Variants in PARP8 observed in about 807,000 individuals in gnomAD.
The protein encoded by PARP8 is protein mono-ADP-ribosyltransferase PARP8.
A neutral mutation model predicts 124.1 loss-of-function variants in PARP8; 51 were observed. The observed-to-expected ratio is 0.41, with a 90% CI of 0.33 to 0.52. The LOEUF (loss-of-function observed/expected upper bound fraction) is 0.52. PARP8 is among the 20% of genes least tolerant of loss of function. The pLI, the probability that PARP8 is intolerant of heterozygous loss-of-function variation, is 0.21. For synonymous variants in PARP8, 391 were observed against 361.5 expected, an observed-to-expected ratio of 1.08 and a Z score of -0.93; for missense variants, 860 against 1,018.9, an observed-to-expected ratio of 0.84 and a Z score of 2.12.
intron 2 of PARP8, among the ~76,000 whole-genome samples, chr5:50,737,091 G>A (rs1757544745): frequency 1.3e-5 from 2 of 152,018 alleles, no homozygotes; most frequent in South Asian, 4.1e-4. Flanking sequence ...TTTCTTTCTG[G>A]TTGAGGCTCC....
intron 2 of PARP8, among the ~76,000 whole-genome samples, chr5:50,718,929 A>G (rs1274629963): frequency 6.6e-6 from 1 of 151,990 alleles, no homozygotes; most frequent in Non-Finnish European, 1.5e-5. Context: ...ATTCCCACCA[A>G]CAATGTACCA....
chr5:50,718,504 A>T (rs936127897), intron 2 of PARP8, among the ~76,000 whole-genome samples: 3 of 151,852 alleles, frequency 2.0e-5, no homozygotes, highest in Admixed American at 1.3e-4. Flanking sequence ...TTCTCCCTGA[A>T]GATGTGCCAA....
rs1157378661 is a variant in PARP8, at chr5:50,718,263, A to ATAAAACAATTTTAGTG, written c.147-31882_147-31867dup. ...AGTTTGACATTAGGTAAGAGCTTTG[A>ATAAAACAATTTTAGTG]TAAAACAATTTTAGTGTAAAATTAT... is the stretch of plus-strand genomic sequence containing the variant. On this transcript the variant is annotated intron_variant, in intron 2 of 25. Transcript: ENST00000281631. Among the ~76,000 whole-genome samples, 3 of 152,058 alleles carry ATAAAACAATTTTAGTG rather than the reference A, an allele frequency of 2.0e-5. No homozygotes were observed. The East Asian group carries it at 5.8e-4, about 29-fold the overall frequency.
rs188420203 is a variant in PARP8 at position 50,687,661 on chromosome 5, G to A, written c.146+19536G>A. 4.8e-3 allele frequency among the ~76,000 whole-genome samples: 732 copies of A among 152,310 alleles called. 8 individuals are homozygous for A. The Middle Eastern group carries it at 0.061, about 13-fold the overall frequency. ...TTCACGTGGCTAGGGAAGCCTCACA[G>A]TCATGGCAGAAGGCAAGGAGGAGTA... On this transcript the variant is annotated intron_variant, in intron 2 of 25. Coordinates refer to ENST00000281631, the MANE Select transcript of PARP8 (RefSeq NM_024615.4).
chr5:50,824,908 G>A lies in PARP8; in HGVS notation c.1861G>A (p.Ala621Thr), dbSNP rs772666213. ...SITSIREMTQAPYLEIKKQMD... is the reference protein window; with the variant it reads ...SITSIREMTQTPYLEIKKQMD... ...AAGAAGTATAATGACTTTTTTTCAG[G>A]CACCATATCTGGAAATCAAGAAGCA... Residue 621 changes from alanine (A) to threonine (T), a missense_variant and splice_region_variant, in exon 18 of 26, where the codon GCA (alanine) becomes ACA (threonine). Physicochemically the swap from Ala to Thr is moderately conservative, Grantham distance 58. This residue lies in a region of PARP8 where 343 missense variants were observed against 474.7 expected (regional missense o/e 0.72). Transcript: ENST00000281631. 3 of 1,611,226 alleles carry A rather than the reference G, an allele frequency of 1.9e-6. No individual in the cohort carries two copies. The highest frequency in any genetic ancestry group is 4.5e-5 in the East Asian group (2 of 44,802).
rs189300312 is a variant in PARP8, at chr5:50,776,360, G to T, written c.519-1709G>T. On this transcript the variant is annotated intron_variant, in intron 7 of 25. Transcript: ENST00000281631. The stretch of plus-strand genomic sequence containing the variant: ...GGCTTGTAGTTTTCTTTTTGTTGTT[G>T]TTTCCTTGTCTGGTTTTGGTATCAG... Among the ~76,000 whole-genome samples the T allele has an allele frequency of 1.8e-4, 27 of 152,160 alleles. No homozygotes were observed. The East Asian group carries it at 5.0e-3, about 28-fold the overall frequency.
intron 15 of PARP8, among the ~76,000 whole-genome samples, chr5:50,820,212 C>T (rs771751453): frequency 2.6e-5 from 4 of 152,186 alleles, no homozygotes; most frequent in Admixed American, 6.5e-5. Flanking sequence ...GGTCACAATA[C>T]TCCTCTCTTA....
chr5:50,832,313 C>T (rs1485488377), intron 22 of PARP8, among the ~76,000 whole-genome samples: 1 of 152,014 alleles, frequency 6.6e-6, no homozygotes, highest in East Asian at 1.9e-4. Flanking sequence ...GTGAATATTA[C>T]AGACAAAAAA....
chr5:50,772,934 T>G (rs1761778008), intron 7 of PARP8, among the ~76,000 whole-genome samples: 1 of 152,044 alleles, frequency 6.6e-6, no homozygotes, highest in Non-Finnish European at 1.5e-5. Flanking sequence ...CCTGACCCAG[T>G]AGATCTGCCC....
chr5:50,761,183 C>T (rs1484898110), intron 5 of PARP8, among the ~76,000 whole-genome samples: 1 of 151,990 alleles, frequency 6.6e-6, no homozygotes, highest in East Asian at 1.9e-4. Context: ...TTAATAGGGC[C>T]AGTGATAGGA....
rs552148281 is a variant in PARP8, at chr5:50,808,051, G to T, written c.1576-7381G>T. 4.3e-4 allele frequency among the ~76,000 whole-genome samples: 66 copies of T among 151,844 alleles called. 1 individual carries two copies. The South Asian group carries it at 8.8e-3, about 20-fold the overall frequency. Reference sequence around the variant, plus strand: ...CATTAAGCAGATGTTTGTAACTAAGGTTCTTATTTTCCAAGTGAAATTAAG... The same window carrying T: ...CATTAAGCAGATGTTTGTAACTAAGTTTCTTATTTTCCAAGTGAAATTAAG... On this transcript the variant is annotated intron_variant, in intron 14 of 25. Coordinates refer to ENST00000281631, the MANE Select transcript of PARP8 (RefSeq NM_024615.4).
chr5:50,814,500 A>T (rs1744863254), intron 14 of PARP8, among the ~76,000 whole-genome samples: 1 of 152,088 alleles, frequency 6.6e-6, no homozygotes, highest in Admixed American at 6.6e-5. Flanking sequence ...AAATATATAG[A>T]TTCATTTTTT....
chr5:50,695,906 A>G (rs182749944), intron 2 of PARP8, among the ~76,000 whole-genome samples: 1 of 152,290 alleles, frequency 6.6e-6, no homozygotes, highest in Admixed American at 6.5e-5. Flanking sequence ...TTATCTTGAT[A>G]TATTTGAGTT....
intron 25 of PARP8, among the ~76,000 whole-genome samples, chr5:50,839,042 G>A (rs953939795): frequency 2.0e-5 from 3 of 151,860 alleles, no homozygotes; most frequent in Admixed American, 6.6e-5. Flanking sequence ...ACTCAGGTGG[G>A]TCTCAAACTC....
Position 50,787,415 on chromosome 5 carries a change from C to T in PARP8, c.671-1108C>T, listed in dbSNP as rs182135857. 1.8e-3 allele frequency among the ~76,000 whole-genome samples: 269 copies of T among 152,232 alleles called. 2 individuals are homozygous for T. The highest frequency in any genetic ancestry group is 6.3e-3 in the African/African-American group (260 of 41,548). On this transcript the variant is annotated intron_variant, in intron 9 of 25. Coordinates refer to ENST00000281631, the MANE Select transcript of PARP8 (RefSeq NM_024615.4). The stretch of plus-strand genomic sequence containing the variant: ...GCATATTTTCTCTTCAGGGGCTTTG[C>T]CTTTGTTCTTTGCTCTGGCTGGGAC...
chr5:50,737,753 A>C (rs537762708), intron 2 of PARP8, among the ~76,000 whole-genome samples: 1 of 152,334 alleles, frequency 6.6e-6, no homozygotes, highest in Admixed American at 6.5e-5. Context: ...CATTGTAATC[A>C]TAACTGTCTT....
chr5:50,752,728 A>G (rs1580207436), intron 3 of PARP8, among the ~76,000 whole-genome samples: 2 of 152,048 alleles, frequency 1.3e-5, no homozygotes, highest in African/African-American at 2.4e-5. Flanking sequence ...TCTTTCTAAT[A>G]ATATACCTTA....
At chr5:50,725,651 T>A in intron 2 of PARP8, among the ~76,000 whole-genome samples, 1 of 152,198 alleles carries the variant, frequency 6.6e-6, no homozygotes, top group East Asian at 1.9e-4. Context: ...TTAAAAGATA[T>A]TTTTTAAATT....
intron 14 of PARP8, among the ~76,000 whole-genome samples, chr5:50,812,068 G>A (rs1237053892): frequency 2.0e-5 from 3 of 152,264 alleles, no homozygotes; most frequent in Non-Finnish European, 4.4e-5. Context: ...TGTGTCTTTA[G>A]AGTCGCATGA....
Sources: gnomAD v4.1 joint callset for allele counts (sites outside exome capture counted in the v4.1 genomes callset) on GRCh38, gnomAD v4.1.1 for gene constraint, gnomAD v4.1.1 regional missense constraint, MANE v1.5 for transcripts, NCBI Gene and HGNC (gene_info 2026-07-23, HGNC 2026-07-21) for gene names.